ANO4: variants seen among roughly 807,000 people sequenced by gnomAD.
ANO4 encodes anoctamin-4.
ANO4 carries 69 observed loss-of-function variants against 141.9 expected under a neutral mutation model. That is an observed-to-expected ratio of 0.49 (90% confidence interval 0.40 to 0.59). ANO4 has a LOEUF of 0.59. ANO4 is among the 20% of genes least tolerant of loss of function. The probability of loss-of-function intolerance (pLI) is 0.00; values close to 1 mark genes in which losing one functional copy is unlikely to be tolerated. For missense variants in ANO4, 894 were observed against 1,162.2 expected, an observed-to-expected ratio of 0.77 and a Z score of 3.36; for synonymous variants, 350 against 394.3, an observed-to-expected ratio of 0.89 and a Z score of 1.33.
At chr12:100,915,907 T>C (rs1473833966) in intron 2 of ANO4, among the ~76,000 whole-genome samples, 4 of 152,206 alleles carry the variant, frequency 2.6e-5, no homozygotes, top group Non-Finnish European at 5.9e-5. Context: ...TTTACATATA[T>C]GACATATGTC....
intron 8 of ANO4, among the ~76,000 whole-genome samples, chr12:101,004,716 A>T (rs2045800610): frequency 6.6e-6 from 1 of 152,238 alleles, no homozygotes; most frequent in African/African-American, 2.4e-5. Context: ...GGCTAAAGTC[A>T]TCCTCAATTA....
At chr12:100,865,275 G>A (rs200912824) in intron 1 of ANO4, among the ~76,000 whole-genome samples, 15 of 151,902 alleles carry the variant, frequency 9.9e-5, no homozygotes, top group East Asian at 9.7e-4. Context: ...ATATTTCTCC[G>A]AAAAGCAATG....
chr12:100,857,747 T>C (rs1218136887), intron 1 of ANO4, among the ~76,000 whole-genome samples: 1 of 152,034 alleles, frequency 6.6e-6, no homozygotes, highest in African/African-American at 2.4e-5. Flanking sequence ...AAGAAAGAAA[T>C]TGGATTGCCT....
At chr12:101,089,253 A>T (rs10860677) in intron 17 of ANO4, among the ~76,000 whole-genome samples, 15,277 of 152,182 alleles carry the variant, frequency 0.1, 809 homozygotes, top group South Asian at 0.14. Flanking sequence ...CACTAGGTTA[A>T]CTAGTAATCA....
rs57498328 is a variant in ANO4, at chr12:101,004,091, T to G, written c.735-15943T>G. Among the ~76,000 whole-genome samples the G allele has an allele frequency of 4.8e-3, 727 of 151,898 alleles. 9 individuals carry two copies. Among genetic ancestry groups the G allele is most frequent in the African/African-American group, 0.016 (670 of 41,376 alleles). Reference sequence around the variant, plus strand: ...TCTTTCTCTAGATCCCTATACTACTTAGGTTCCATTCAGGAAAACTGAAAC... The same window carrying G: ...TCTTTCTCTAGATCCCTATACTACTGAGGTTCCATTCAGGAAAACTGAAAC... On this transcript the variant is annotated intron_variant, in intron 8 of 27. Coordinates refer to ENST00000392977, the MANE Select transcript of ANO4 (RefSeq NM_001286615.2).
At chr12:101,067,168 G>A (rs1274347476) in intron 14 of ANO4, 4 of 272,940 alleles carry the variant, frequency 1.5e-5, no homozygotes, top group Admixed American at 4.9e-5. Flanking sequence ...ACCTACTAGA[G>A]TATTTGCTAA....
rs371498061 is a variant in ANO4 at position 100,999,328 on chromosome 12, C to T, written c.734+11658C>T. Among the ~76,000 whole-genome samples the T allele has an allele frequency of 1.6e-4, 25 of 152,310 alleles. No individual in the cohort carries two copies. In the South Asian group the frequency reaches 2.7e-3, roughly 16 times the overall value. ...CTTCCTTTATCTTTAAAGCCAGCAA[C>T]GGTAGTTGAGTCCTTCTCACATCAC... On this transcript the variant is annotated intron_variant, in intron 8 of 27. Coordinates refer to ENST00000392977, the MANE Select transcript of ANO4 (RefSeq NM_001286615.2).
At chr12:100,757,481 A>G (rs1357931404) in intron 3 of ANO4, among the ~76,000 whole-genome samples, 3 of 152,160 alleles carry the variant, frequency 2.0e-5, no homozygotes, top group Admixed American at 6.5e-5. Context: ...TTACTCCTAC[A>G]TACTCTTCTT....
chr12:100,944,174 G>A lies in ANO4; in HGVS notation c.456+1639G>A, dbSNP rs1178276483. On this transcript the variant is annotated intron_variant, in intron 5 of 27. Transcript: ENST00000392977. ...AAAGCCTAATGCTTTTCCAAATAGC[G>A]CACATTAAAGTGATGGAAAGTGTCC... Among the ~76,000 whole-genome samples, 5 of 152,162 alleles carry A rather than the reference G, an allele frequency of 3.3e-5. No homozygotes were observed. In the East Asian group the frequency reaches 7.7e-4, roughly 23 times the overall value.
At chr12:100,838,120 G>T (rs565681215) in intron 1 of ANO4, among the ~76,000 whole-genome samples, 1 of 151,802 alleles carries the variant, frequency 6.6e-6, no homozygotes, top group African/African-American at 2.4e-5. Flanking sequence ...GAGGCTGGTG[G>T]TGGTGAAGGT....
At chr12:100,761,219 G>C (rs546756755) in intron 3 of ANO4, among the ~76,000 whole-genome samples, 1 of 152,198 alleles carries the variant, frequency 6.6e-6, no homozygotes, top group South Asian at 2.1e-4. Flanking sequence ...TGTCTAGAAG[G>C]CATGAAGAAG....
intron 3 of ANO4, among the ~76,000 whole-genome samples, chr12:100,767,664 G>T (rs1361001151): frequency 6.6e-6 from 1 of 152,178 alleles, no homozygotes; most frequent in East Asian, 1.9e-4. Context: ...CATACATTCA[G>T]AATGGCATGC....
chr12:100,815,336 ATTGACT>A (rs2035674537), intron 1 of ANO4, among the ~76,000 whole-genome samples: 1 of 152,158 alleles, frequency 6.6e-6, no homozygotes, highest in African/African-American at 2.4e-5. Context: ...TGATATAATC[ATTGACT>A]TTGACAAGTC....
chr12:100,825,562 A>T (rs2036286283), intron 1 of ANO4, among the ~76,000 whole-genome samples: 1 of 152,080 alleles, frequency 6.6e-6, no homozygotes, highest in South Asian at 2.1e-4. Flanking sequence ...TGTGATAGAT[A>T]AGACATAACT....
chr12:100,727,098 A>G (rs1205655500), intron 1 of ANO4, among the ~76,000 whole-genome samples: 1 of 152,100 alleles, frequency 6.6e-6, no homozygotes, highest in Non-Finnish European at 1.5e-5. Context: ...AAGTATGGTC[A>G]AGTTTTATAA....
rs763949654 is a variant in ANO4, at chr12:100,806,524, G to GTTTTT, written c.-141+11529_-141+11533dup. Among the ~76,000 whole-genome samples the GTTTTT allele has an allele frequency of 1.0e-4, 6 of 59,882 alleles. 1 individual carries two copies. The highest frequency in any genetic ancestry group is 5.0e-4 in the Admixed American group (2 of 4,000). 39.3% of individuals were successfully genotyped at this position (59,882 alleles called of 152,430 possible). A position where few individuals can be genotyped will look rare whatever the true frequency, so the allele number is the denominator to read the frequency against. On this transcript the variant is annotated intron_variant, in intron 1 of 27. Coordinates refer to ENST00000392977, the MANE Select transcript of ANO4 (RefSeq NM_001286615.2). ...TTTTAGGAGGTTTTTTTTTTGTTTC[G>GTTTTT]TTTTTTTTTTTTTTTTTTTTTTTTT... is the stretch of plus-strand genomic sequence containing the variant.
chr12:101,076,783 C>A (rs1183498480), intron 14 of ANO4, among the ~76,000 whole-genome samples: 1 of 152,280 alleles, frequency 6.6e-6, no homozygotes, highest in East Asian at 1.9e-4. Flanking sequence ...CCACTTGTCT[C>A]TTCAAGAACA....
chr12:100,913,984 C>T (rs142983820), intron 2 of ANO4, among the ~76,000 whole-genome samples: 42 of 152,290 alleles, frequency 2.8e-4, no homozygotes, highest in East Asian at 1.2e-3. Context: ...TGTTCTGTAA[C>T]GCCTCCTAAT....
chr12:100,747,777 G>A (rs879797813), intron 3 of ANO4, among the ~76,000 whole-genome samples: 5 of 152,198 alleles, frequency 3.3e-5, no homozygotes, highest in Non-Finnish European at 7.3e-5. Flanking sequence ...GGAGGCTGAG[G>A]CAGGAGAATC....
Sources: allele counts gnomAD v4.1 joint callset (sites outside exome capture counted in the v4.1 genomes callset), GRCh38; gene constraint gnomAD v4.1.1; transcripts MANE v1.5; gene names NCBI Gene and HGNC (gene_info 2026-07-23, HGNC 2026-07-21).